Variants in EPHB1 observed in about 807,000 individuals in gnomAD.
EPHB1 encodes EPH receptor B1.
A neutral mutation model predicts 94.4 loss-of-function variants in EPHB1; 30 were observed. That is an observed-to-expected ratio of 0.32 (90% CI 0.24 to 0.43). The LOEUF (loss-of-function observed/expected upper bound fraction) is 0.43, where lower values mean the gene tolerates loss of function less well. Among genes scored for constraint, EPHB1 ranks in the 20% least tolerant of loss-of-function variants. The probability of loss-of-function intolerance (pLI) is 1.00; values close to 1 mark genes in which losing one functional copy is unlikely to be tolerated. For missense variants in EPHB1, 1,055 were observed against 1,308.3 expected (o/e 0.81, Z 2.99); for synonymous variants, 522 against 489.1 (o/e 1.07, Z -0.89).
chr3:135,110,289 C>A (rs933463241), intron 4 of EPHB1, among the ~76,000 whole-genome samples: 19 of 152,052 alleles, frequency 1.2e-4, no homozygotes, highest in Admixed American at 7.9e-4. Flanking sequence ...AATGGGCTTC[C>A]CTCTGCAGTT....
chr3:134,871,114 G>C (rs60609545), intron 1 of EPHB1, among the ~76,000 whole-genome samples: 4,734 of 152,268 alleles, frequency 0.031, 252 homozygotes, highest in African/African-American at 0.11. Flanking sequence ...ATAGGCTAGA[G>C]GGAAGTCATA....
intron 13 of EPHB1, among the ~76,000 whole-genome samples, chr3:135,244,511 AG>A (rs1317956741): frequency 6.6e-6 from 1 of 152,196 alleles, no homozygotes. Flanking sequence ...TCTGCTCAGT[AG>A]GACACCCTAT....
chr3:135,253,346 G>A (rs1265981438), intron 15 of EPHB1, among the ~76,000 whole-genome samples: 1 of 149,968 alleles, frequency 6.7e-6, no homozygotes, highest in Non-Finnish European at 1.5e-5. Flanking sequence ...ATGGTTTTAG[G>A]TCTAACATTT....
At position 135,063,193 on chromosome 3, in the gene EPHB1, T is replaced by A. The variant is rs527966903; in HGVS notation, c.806-43255T>A. Among the ~76,000 whole-genome samples the A allele has an allele frequency of 1.3e-4, 20 of 152,304 alleles. 1 individual carries two copies. The South Asian group carries it at 3.9e-3, about 30-fold the overall frequency. On this transcript the variant is annotated intron_variant, in intron 3 of 15. Transcript: ENST00000398015. The stretch of plus-strand genomic sequence containing the variant: ...GGCTCTTTTTTGGATCCATATGAAT[T>A]TTAGAATTGTTTTTTCTAATTCTGT...
rs2107728145 is a variant in EPHB1, at chr3:135,241,309, C to T, written c.2496+12C>T. 6.2e-7 allele frequency: 1 copy of T among 1,614,072 alleles called. No individual in the cohort carries two copies. The highest frequency in any genetic ancestry group is 8.5e-7 in the Non-Finnish European group (1 of 1,179,936). On this transcript the variant is annotated intron_variant, in intron 13 of 15. Transcript: ENST00000398015. ...TGTCCAACCAAGATGTGAGTGTCAG[C>T]AGCACTTGGTCACCACAAACCCCCA...
intron 2 of EPHB1, among the ~76,000 whole-genome samples, chr3:134,931,150 T>C (rs1325250258): frequency 6.6e-6 from 1 of 152,160 alleles, no homozygotes; most frequent in Non-Finnish European, 1.5e-5. Context: ...TAACACCCAA[T>C]TGGTTGTCAA....
At chr3:134,872,174 A>T (rs74646683) in intron 1 of EPHB1, among the ~76,000 whole-genome samples, 71 of 152,304 alleles carry the variant, frequency 4.7e-4, no homozygotes, top group African/African-American at 1.6e-3. Flanking sequence ...CTCTCACAAC[A>T]AATTGACAAG....
At chr3:135,193,814 C>T (rs766632995) in intron 11 of EPHB1, among the ~76,000 whole-genome samples, 16 of 152,338 alleles carry the variant, frequency 1.1e-4, no homozygotes, top group East Asian at 1.9e-4. Flanking sequence ...TCTAATGCTA[C>T]GTAACAAATC....
chr3:135,239,407 C>T (rs1943728107), intron 12 of EPHB1, among the ~76,000 whole-genome samples: 1 of 152,032 alleles, frequency 6.6e-6, no homozygotes, highest in African/African-American at 2.4e-5. Flanking sequence ...ATAAAAATAT[C>T]CTCTTTCAGT....
chr3:134,889,550 T>C (rs2108314829), intron 1 of EPHB1, among the ~76,000 whole-genome samples: 1 of 152,326 alleles, frequency 6.6e-6, no homozygotes, highest in South Asian at 2.1e-4. Flanking sequence ...ATCAGTCTCT[T>C]TTTATACCAC....
intron 5 of EPHB1, among the ~76,000 whole-genome samples, chr3:135,146,576 C>G (rs1238148442): frequency 6.6e-6 from 1 of 152,192 alleles, no homozygotes; most frequent in Non-Finnish European, 1.5e-5. Flanking sequence ...CTATCACTTA[C>G]TTTCTAGGTT....
chr3:134,858,530 A>G (rs1352648747), intron 1 of EPHB1, among the ~76,000 whole-genome samples: 1 of 152,178 alleles, frequency 6.6e-6, no homozygotes, highest in African/African-American at 2.4e-5. Flanking sequence ...GGGATGATTT[A>G]AAATCTGTTT....
intron 4 of EPHB1, among the ~76,000 whole-genome samples, chr3:135,130,559 A>G (rs1940381247): frequency 6.6e-6 from 1 of 152,210 alleles, no homozygotes; most frequent in South Asian, 2.1e-4. Context: ...TGGTTTGAAA[A>G]TGGCAAAGAC....
intron 3 of EPHB1, among the ~76,000 whole-genome samples, chr3:134,996,589 G>A (rs1398971546): frequency 6.6e-6 from 1 of 152,082 alleles, no homozygotes; most frequent in African/African-American, 2.4e-5. Flanking sequence ...TGGCTGTTTA[G>A]CAATGCTATA....
chr3:134,857,667 T>G (rs1466499819), intron 1 of EPHB1, among the ~76,000 whole-genome samples: 1 of 152,124 alleles, frequency 6.6e-6, no homozygotes, highest in Admixed American at 6.5e-5. Context: ...TGGGAGGCAG[T>G]GCTCACCCCA....
chr3:135,241,548 C>T (rs948151167), intron 13 of EPHB1, among the ~76,000 whole-genome samples: 1 of 152,202 alleles, frequency 6.6e-6, no homozygotes, highest in Non-Finnish European at 1.5e-5. Flanking sequence ...ACCCAAGAGA[C>T]AATGGGCTGT....
At chr3:135,224,789 A>G (rs1943354373) in intron 12 of EPHB1, among the ~76,000 whole-genome samples, 1 of 152,218 alleles carries the variant, frequency 6.6e-6, no homozygotes, top group South Asian at 2.1e-4. Flanking sequence ...GTAGTTCCAT[A>G]ATCCAGTCAA....
intron 3 of EPHB1, among the ~76,000 whole-genome samples, chr3:134,970,732 G>A (rs1933939484): frequency 6.6e-6 from 1 of 152,146 alleles, no homozygotes; most frequent in Non-Finnish European, 1.5e-5. Flanking sequence ...GACAGTTGCT[G>A]GGGCTCCAAG....
intron 5 of EPHB1, among the ~76,000 whole-genome samples, chr3:135,142,744 C>T (rs1452951474): frequency 6.6e-6 from 1 of 151,912 alleles, no homozygotes; most frequent in Non-Finnish European, 1.5e-5. Context: ...GCCAGGGAAC[C>T]GAGATTATAT....
Sources: allele counts gnomAD v4.1 joint callset (sites outside exome capture counted in the v4.1 genomes callset), GRCh38; gene constraint gnomAD v4.1.1; transcripts MANE v1.5; gene names NCBI Gene and HGNC (gene_info 2026-07-23, HGNC 2026-07-21).